The following OSBPL3 variants were observed in gnomAD, a reference collection of about 807,000 sequenced individuals.
OSBPL3 encodes the protein oxysterol binding protein like 3, also known as oxysterol-binding protein-related protein 3.
Under a neutral mutation model 120.1 loss-of-function variants are expected in OSBPL3, and 65 were observed. The ratio of observed to expected loss-of-function variants is 0.54; its 90% CI spans 0.44 to 0.67. OSBPL3 has a LOEUF of 0.67. Among genes scored for constraint, OSBPL3 ranks in the 30% least tolerant of loss-of-function variants. OSBPL3 has a pLI of 0.00. For synonymous variants in OSBPL3, 416 were observed against 402.6 expected, an observed-to-expected ratio of 1.03 and a Z score of -0.40; for missense variants, 1,004 against 1,082.1, an observed-to-expected ratio of 0.93 and a Z score of 1.01.
At chr7:24,945,547 T>A (rs1813620398) in intron 1 of OSBPL3, among the ~76,000 whole-genome samples, 1 of 152,220 alleles carries the variant, frequency 6.6e-6, no homozygotes, top group African/African-American at 2.4e-5. Context: ...CGAAGGGCAG[T>A]ATCTGAATTT....
intron 1 of OSBPL3, among the ~76,000 whole-genome samples, chr7:24,943,022 A>G (rs971997533): frequency 1.3e-5 from 2 of 152,232 alleles, no homozygotes; most frequent in Non-Finnish European, 2.9e-5. Context: ...GCCTACCTGC[A>G]AAGGCCATCC....
intron 2 of OSBPL3, among the ~76,000 whole-genome samples, chr7:24,888,931 A>G (rs774971972): frequency 1.3e-5 from 2 of 152,182 alleles, no homozygotes; most frequent in African/African-American, 2.4e-5. Context: ...TTAAAAAACC[A>G]TGTCTTCCAG....
intron 1 of OSBPL3, among the ~76,000 whole-genome samples, chr7:24,977,086 AGAG>A (rs1817668459): frequency 6.6e-6 from 1 of 152,252 alleles, no homozygotes; most frequent in South Asian, 2.1e-4. Context: ...ATTAGAGAAC[AGAG>A]GAACTAGCTG....
In OSBPL3 at chr7:24,816,704, A is replaced by G; in HGVS notation, c.1949-16T>C. ...CATCTCACATCTGAAATGAAATACC[A>G]AATATTACATTTTTAGCAGGAGAGG... On this transcript the variant is annotated splice_polypyrimidine_tract_variant and intron_variant, in intron 17 of 22. Coordinates refer to ENST00000313367, the MANE Select transcript of OSBPL3 (RefSeq NM_015550.4). 6.5e-7 allele frequency: 1 copy of G among 1,531,306 alleles called. No homozygotes were observed. The highest frequency in any genetic ancestry group is 9.1e-7 in the Non-Finnish European group (1 of 1,104,330). 94.9% of individuals were successfully genotyped at this position (1,531,306 alleles called of 1,614,324 possible). A position where few individuals can be genotyped will look rare whatever the true frequency, so the allele number is the denominator to read the frequency against.
chr7:24,885,423 C>G (rs1804366379), intron 2 of OSBPL3, among the ~76,000 whole-genome samples: 1 of 151,962 alleles, frequency 6.6e-6, no homozygotes, highest in Non-Finnish European at 1.5e-5. Context: ...GCGGCATAAT[C>G]TAATACCCTG....
At chr7:24,853,651 G>A (rs1012083236) in intron 10 of OSBPL3, among the ~76,000 whole-genome samples, 8 of 152,144 alleles carry the variant, frequency 5.3e-5, no homozygotes, top group Non-Finnish European at 1.2e-4. Flanking sequence ...TTACTATACT[G>A]TGGTTATATA....
intron 1 of OSBPL3, among the ~76,000 whole-genome samples, chr7:24,961,066 T>TA (rs1472443199): frequency 2.0e-5 from 3 of 152,094 alleles, no homozygotes; most frequent in Admixed American, 6.5e-5. Context: ...ATGATTTTTT[T>TA]AAAAAAAATT....
Position 24,953,598 on chromosome 7 carries a change from G to T in OSBPL3, c.-150+26288C>A, listed in dbSNP as rs560179841. 1.2e-4 allele frequency among the ~76,000 whole-genome samples: 18 copies of T among 152,328 alleles called. No homozygotes were observed. Among genetic ancestry groups the T allele is most frequent in the African/African-American group, 3.6e-4 (15 of 41,576 alleles). On this transcript the variant is annotated intron_variant, in intron 1 of 22. Transcript: ENST00000313367. The surrounding 1 kb of genome is among the most constrained non-coding windows in gnomAD (Gnocchi z 4.3). ...AGGCACATTAGGAAGCAGTCAGATTGTATCAGTGATCAAACAGTTCAGACA... is the reference window on the plus strand; with the variant it reads ...AGGCACATTAGGAAGCAGTCAGATTTTATCAGTGATCAAACAGTTCAGACA...
intron 1 of OSBPL3, among the ~76,000 whole-genome samples, chr7:24,954,332 TC>T (rs1177720064): frequency 6.6e-6 from 1 of 152,212 alleles, no homozygotes; most frequent in African/African-American, 2.4e-5. Context: ...GATGTCAAAA[TC>T]TTTCAGTCCC....
intron 1 of OSBPL3, among the ~76,000 whole-genome samples, chr7:24,945,289 T>A (rs1348921988): frequency 6.6e-6 from 1 of 152,204 alleles, no homozygotes; most frequent in Non-Finnish European, 1.5e-5. Flanking sequence ...TCTTTCTCCA[T>A]CCTATTCACT....
intron 9 of OSBPL3, among the ~76,000 whole-genome samples, 199 bp from the exon 10 acceptor site, chr7:24,861,968 G>C (rs1273828784): frequency 6.6e-6 from 1 of 150,466 alleles, no homozygotes; most frequent in Admixed American, 6.7e-5. Context: ...CTCACTGCAA[G>C]CTCCACCTCC....
intron 14 of OSBPL3, 95 bp downstream of exon 14, chr7:24,840,595 C>G: frequency 5.6e-6 from 3 of 532,236 alleles, no homozygotes; most frequent in Non-Finnish European, 9.8e-6. Context: ...GTATCAGCAC[C>G]TTGAACCCCC....
In OSBPL3 at chr7:24,851,228, C is replaced by T. The variant is rs1396844069; in HGVS notation, c.1158+1276G>A. On this transcript the variant is annotated intron_variant, in intron 11 of 22. Transcript: ENST00000313367. This position sits in a 1 kb window ranked among gnomAD's most constrained non-coding sequence, Gnocchi z 4.1. Reference sequence around the variant, plus strand: ...ACACTTTGCTTCTGCTTCTCTCAAACCAAAATGGCACCAGTGTATGGCTGT... The same window carrying T: ...ACACTTTGCTTCTGCTTCTCTCAAATCAAAATGGCACCAGTGTATGGCTGT... Among the ~76,000 whole-genome samples, 6 of 152,186 alleles carry T rather than the reference C, an allele frequency of 3.9e-5. No individual in the cohort carries two copies. The highest frequency in any genetic ancestry group is 2.6e-4 in the Admixed American group (4 of 15,288).
rs1793177816 is a variant in OSBPL3, at chr7:24,807,305, C to T, written c.2318-403G>A. Among the ~76,000 whole-genome samples the T allele has an allele frequency of 2.6e-5, 4 of 152,134 alleles. No homozygotes were observed. In the South Asian group the frequency reaches 8.3e-4, roughly 32 times the overall value. ...GTCAGGAGTTCGAGACCAGCCTGGCCAACATGGCGAAACACCATCTCTACT... is the reference window on the plus strand; with the variant it reads ...GTCAGGAGTTCGAGACCAGCCTGGCTAACATGGCGAAACACCATCTCTACT... On this transcript the variant is annotated intron_variant, in intron 20 of 22. Coordinates refer to ENST00000313367, the MANE Select transcript of OSBPL3 (RefSeq NM_015550.4).
rs1165851325 is a variant in OSBPL3, at chr7:24,972,841, T to G, written c.-150+7045A>C. On this transcript the variant is annotated intron_variant, in intron 1 of 22. Transcript: ENST00000313367. This position sits in a 1 kb window ranked among gnomAD's most constrained non-coding sequence, Gnocchi z 4.3. ...TACTTGGGGAGGGAGAAATATTTGTTTTATAAGATGTAAACTATAATTTTA... is the reference window on the plus strand; with the variant it reads ...TACTTGGGGAGGGAGAAATATTTGTGTTATAAGATGTAAACTATAATTTTA... Among the ~76,000 whole-genome samples the G allele has an allele frequency of 6.6e-6, 1 of 152,182 alleles. No homozygotes were observed. The highest frequency in any genetic ancestry group is 1.5e-5 in the Non-Finnish European group (1 of 68,034).
Position 24,953,596 on chromosome 7 carries a change from T to A in OSBPL3, c.-150+26290A>T, listed in dbSNP as rs967900505. Among the ~76,000 whole-genome samples, 3 of 152,176 alleles carry A rather than the reference T, an allele frequency of 2.0e-5. No homozygotes were observed. The highest frequency in any genetic ancestry group is 2.1e-4 in the South Asian group (1 of 4,830). On this transcript the variant is annotated intron_variant, in intron 1 of 22. Transcript: ENST00000313367. This position sits in a 1 kb window ranked among gnomAD's most constrained non-coding sequence, Gnocchi z 4.3. ...TTAGGCACATTAGGAAGCAGTCAGA[T>A]TGTATCAGTGATCAAACAGTTCAGA...
rs1192435960 is a variant in OSBPL3, at chr7:24,966,020, T to C, written c.-150+13866A>G. Among the ~76,000 whole-genome samples the C allele has an allele frequency of 6.6e-6, 1 of 152,138 alleles. No homozygotes were observed. Among genetic ancestry groups the C allele is most frequent in the East Asian group, 1.9e-4 (1 of 5,186 alleles). ...TTCCTCCAAACCCCCTTCACATCCA[T>C]TGACACCTGGCTAAGTCTCACACAA... On this transcript the variant is annotated intron_variant, in intron 1 of 22. Transcript: ENST00000313367. The surrounding 1 kb of genome is among the most constrained non-coding windows in gnomAD (Gnocchi z 4.8).
chr7:24,900,939 T>G lies in OSBPL3; in HGVS notation c.-149-8318A>C, dbSNP rs1806893522. 1.3e-5 allele frequency among the ~76,000 whole-genome samples: 2 copies of G among 151,520 alleles called. No individual in the cohort carries two copies. Among genetic ancestry groups the G allele is most frequent in the Non-Finnish European group, 1.5e-5 (1 of 67,928 alleles). On this transcript the variant is annotated intron_variant, in intron 1 of 22. Transcript: ENST00000313367. This position sits in a 1 kb window ranked among gnomAD's most constrained non-coding sequence, Gnocchi z 4.5. ...GGGAGGCTGAAGTGGGAGGATGACT[T>G]GAGTCTGGGAGGCGGAGGTTGCAGT...
At chr7:24,832,513 GAAAAAAAA>G (rs1192440659) in intron 15 of OSBPL3, among the ~76,000 whole-genome samples, 2 of 103,906 alleles carry the variant, frequency 1.9e-5, no homozygotes, top group African/African-American at 7.2e-5. Flanking sequence ...CTGCCTCAAA[GAAAAAAAA>G]AAAAAAAAAA....
Sources: gnomAD v4.1 joint callset for allele counts (sites outside exome capture counted in the v4.1 genomes callset) on GRCh38, gnomAD v4.1.1 for gene constraint, Gnocchi (gnomAD v3.1) non-coding constraint, MANE v1.5 for transcripts, NCBI Gene and HGNC (gene_info 2026-07-23, HGNC 2026-07-21) for gene names.